EPG5: variants seen among roughly 807,000 people sequenced by gnomAD.
EPG5 encodes ectopic P-granules 5 autophagy tethering factor.
In EPG5, 159 loss-of-function variants were observed where a neutral mutation model predicts 302.7. That is an observed-to-expected ratio of 0.53 (90% CI 0.46 to 0.60). The LOEUF (loss-of-function observed/expected upper bound fraction) is 0.60. Ranked by LOEUF, EPG5 falls within the 20% of genes least tolerant of loss-of-function variation. EPG5 has a pLI of 0.00. For missense variants in EPG5, 2,896 were observed against 3,092.4 expected (o/e 0.94, Z 1.51); for synonymous variants, 1,158 against 1,136.8 (o/e 1.02, Z -0.37).
chr18:45,912,903 C>T (rs1382655514), intron 21 of EPG5, among the ~76,000 whole-genome samples: 2 of 152,218 alleles, frequency 1.3e-5, no homozygotes, highest in African/African-American at 4.8e-5. Context: ...GCCTGGCCAA[C>T]ACGGCAAAAC....
rs760768451 is a variant in EPG5, at chr18:45,879,177, TA to T, written c.5704del (p.Tyr1902IlefsTer26). ...GTCCATCTTGGATAACCGAAGCTTA[TA>T]AAAAAAGTCTGAAAGCCACTGTATA... is the stretch of plus-strand genomic sequence containing the variant. Reference protein sequence around the residue: ...ETIQWLSDFFYKLRLSKMDFK... With the variant: ...ETIQWLSDFFXKLRLSKMDFK... On this transcript the variant is annotated frameshift_variant, in exon 33 of 44. Transcript: ENST00000282041. LOFTEE classifies it high-confidence loss of function. 1.2e-6 allele frequency: 2 copies of T among 1,613,410 alleles called. No homozygotes were observed. Among genetic ancestry groups the T allele is most frequent in the Non-Finnish European group, 1.7e-6 (2 of 1,179,842 alleles).
intron 6 of EPG5, 34 bp from the exon 7 acceptor site, chr18:45,946,802 G>C: frequency 1.9e-6 from 3 of 1,558,134 alleles, no homozygotes; most frequent in Non-Finnish European, 2.7e-6. Flanking sequence ...CCATCACTTA[G>C]ATGTAGGCTA....
intron 32 of EPG5, 141 bp downstream of exon 32, chr18:45,879,934 C>A: frequency 1.1e-6 from 1 of 893,318 alleles, no homozygotes; most frequent in Non-Finnish European, 1.7e-6. Context: ...AAAGGGGACA[C>A]GAGGGAACCA....
chr18:45,866,109 C>A (rs760351680), intron 38 of EPG5, among the ~76,000 whole-genome samples: 8 of 150,224 alleles, frequency 5.3e-5, no homozygotes, highest in Non-Finnish European at 8.8e-5. Context: ...CACTTTGAGA[C>A]AAGGTACTAT....
At position 45,850,527 on chromosome 18, in the gene EPG5, A is replaced by C. The variant is rs966023422; in HGVS notation, c.*1940T>G. The stretch of plus-strand genomic sequence containing the variant: ...CTTTCACTGACCATCTCTGATTATT[A>C]ATGAAGTTCAATGTCAAATAAATTA... On this transcript the variant is annotated 3_prime_UTR_variant, in exon 44 of 44. Coordinates refer to ENST00000282041, the MANE Select transcript of EPG5 (RefSeq NM_020964.3). The C allele has an allele frequency of 1.3e-5, 2 of 152,242 alleles. No individual in the cohort carries two copies. Among genetic ancestry groups the C allele is most frequent in the Non-Finnish European group, 1.5e-5 (1 of 68,046 alleles). 9.4% of individuals were successfully genotyped at this position (152,242 alleles called of 1,614,324 possible).
intron 40 of EPG5, 127 bp downstream of exon 40, chr18:45,859,977 G>A (rs2048598065): frequency 1.6e-6 from 2 of 1,227,574 alleles, no homozygotes; most frequent in Non-Finnish European, 2.3e-6. Flanking sequence ...CACAACATTT[G>A]TAGAGCAGAA....
intron 9 of EPG5, among the ~76,000 whole-genome samples, chr18:45,941,572 A>C (rs1325780943): frequency 6.6e-6 from 1 of 152,220 alleles, no homozygotes; most frequent in East Asian, 1.9e-4. Context: ...AAACAAAGAA[A>C]GAATAATCAT....
chr18:45,894,064 T>C (rs548972603), intron 27 of EPG5, among the ~76,000 whole-genome samples: 1 of 152,256 alleles, frequency 6.6e-6, no homozygotes, highest in Non-Finnish European at 1.5e-5. Flanking sequence ...CAAAATCTAG[T>C]AACAGCATAG....
At chr18:45,856,034 C>A (rs1450842219) in intron 42 of EPG5, among the ~76,000 whole-genome samples, 1 of 152,216 alleles carries the variant, frequency 6.6e-6, no homozygotes, top group African/African-American at 2.4e-5. Context: ...TAGGACCCAG[C>A]AATTCTGCTC....
chr18:45,857,069 C>T (rs1369402031), intron 42 of EPG5, among the ~76,000 whole-genome samples: 1 of 151,712 alleles, frequency 6.6e-6, no homozygotes, highest in Non-Finnish European at 1.5e-5. Context: ...CAGGTGCTTG[C>T]CACCACACCC....
At position 45,942,558 on chromosome 18, in the gene EPG5, G is replaced by A. The variant is rs573297710; in HGVS notation, c.1943+603C>T. ...GCGTGGGCTGCAGTGAGACGAGATC[G>A]TGCCCACTGTACTCCAGCCTGGGCA... On this transcript the variant is annotated intron_variant, in intron 9 of 43. Transcript: ENST00000282041. Among the ~76,000 whole-genome samples the A allele has an allele frequency of 1.2e-3, 180 of 152,098 alleles. 1 individual carries two copies. Among genetic ancestry groups the A allele is most frequent in the South Asian group, 0.011 (53 of 4,810 alleles).
chr18:45,835,246 C>G, the EPG5 span, among the ~76,000 whole-genome samples: 1 of 152,038 alleles, frequency 6.6e-6, no homozygotes, highest in South Asian at 2.1e-4. Context: ...AGTAAGAGAC[C>G]CCATGGCCGG....
At chr18:45,855,216 T>G (rs2048489421) in intron 43 of EPG5, 1 of 174,770 alleles carries the variant, frequency 5.7e-6, no homozygotes, top group African/African-American at 2.4e-5. Flanking sequence ...CCATCCCAAC[T>G]GTAGCCACAT....
chr18:45,916,339 C>A, intron 18 of EPG5, 99 bp downstream of exon 18: 1 of 1,542,398 alleles, frequency 6.5e-7, no homozygotes, highest in Non-Finnish European at 8.8e-7. Context: ...CACACTAAGC[C>A]AAGTGATCTG....
chr18:45,918,113 C>T (rs2050073853), intron 16 of EPG5, among the ~76,000 whole-genome samples: 1 of 152,136 alleles, frequency 6.6e-6, no homozygotes, highest in Admixed American at 6.5e-5. Flanking sequence ...ATTTCTAATC[C>T]AGAGTGCTCT....
the EPG5 span, among the ~76,000 whole-genome samples, chr18:45,808,189 G>T: frequency 6.6e-6 from 1 of 152,024 alleles, no homozygotes; most frequent in Non-Finnish European, 1.5e-5. Context: ...AAAGAAAAAA[G>T]ATAAGAAAAT....
chr18:45,833,083 A>G, the EPG5 span, among the ~76,000 whole-genome samples: 1 of 152,026 alleles, frequency 6.6e-6, no homozygotes, highest in East Asian at 1.9e-4. Flanking sequence ...CAGACCTGCC[A>G]TTTGCAGCAC....
chr18:45,842,459 GAGT>G, the EPG5 span: 1 of 455,654 alleles, frequency 2.2e-6, no homozygotes, highest in Non-Finnish European at 4.0e-6. Flanking sequence ...GAGAGAGAGA[GAGT>G]ACACGCATTA....
chr18:45,917,747 C>T lies in EPG5; in HGVS notation c.3171G>A (p.Val1057=), dbSNP rs1401806394. ...ILVQSRHLRT[V]VHVLDKILPL... ...GCAGAATCTTATCCAGGACATGAAC[C>T]ACTGTTCTCAAATGTCTTGACTGGA... The change falls in exon 17 of 44, where the codon GTG becomes GTA. Residue 1057 remains valine, a synonymous_variant. Transcript: ENST00000282041. 1.9e-6 allele frequency: 3 copies of T among 1,613,932 alleles called. No individual in the cohort carries two copies. Among genetic ancestry groups the T allele is most frequent in the Non-Finnish European group, 1.7e-6 (2 of 1,179,940 alleles).
Sources: allele counts gnomAD v4.1 joint callset (sites outside exome capture counted in the v4.1 genomes callset), GRCh38; gene constraint gnomAD v4.1.1; transcripts MANE v1.5; gene names NCBI Gene and HGNC (gene_info 2026-07-23, HGNC 2026-07-21).